PIK3R2: variants seen among roughly 807,000 people sequenced by gnomAD.
PIK3R2 encodes the protein phosphatidylinositol 3-kinase regulatory subunit beta.
In PIK3R2, 40 loss-of-function variants were observed where a neutral mutation model predicts 78.5. The observed-to-expected ratio is 0.51, with a 90% CI of 0.40 to 0.66. The LOEUF (loss-of-function observed/expected upper bound fraction) is 0.66. Among genes scored for constraint, PIK3R2 ranks in the 30% least tolerant of loss-of-function variants. PIK3R2 has a pLI of 0.00. For synonymous variants in PIK3R2, 473 were observed against 457.7 expected (o/e 1.03, Z -0.43); for missense variants, 880 against 1,026.6 (o/e 0.86, Z 1.95).
rs867911934 is a variant in PIK3R2 at position 18,156,599 on chromosome 19, A to T, written c.322+398A>T. On this transcript the variant is annotated intron_variant, in intron 2 of 15. Transcript: ENST00000222254. This position sits in a 1 kb window ranked among gnomAD's most constrained non-coding sequence, Gnocchi z 4.2. Reference sequence around the variant, plus strand: ...GCGCTGGCATGGAGGACTTAGTGGGATTGATTTTGAGGACAATGGAGAGTG... The same window carrying T: ...GCGCTGGCATGGAGGACTTAGTGGGTTTGATTTTGAGGACAATGGAGAGTG... Among the ~76,000 whole-genome samples the T allele has an allele frequency of 2.0e-5, 3 of 152,044 alleles. No individual in the cohort carries two copies. The highest frequency in any genetic ancestry group is 7.2e-5 in the African/African-American group (3 of 41,402).
In PIK3R2 at chr19:18,169,269, C is replaced by T; in HGVS notation, c.2162C>T (p.Pro721Leu). The T allele has an allele frequency of 1.3e-6, 2 of 1,521,270 alleles. No individual in the cohort carries two copies. The highest frequency in any genetic ancestry group is 2.4e-5 in the South Asian group (2 of 83,170). The allele number at this position is 1,521,270 out of a possible 1,614,324, so 94.2% of individuals were successfully genotyped here. A position where few individuals can be genotyped will look rare whatever the true frequency, so the allele number is the denominator to read the frequency against. The change falls in exon 16 of 16, where the codon CCC becomes CTC. Residue 721 changes from proline to leucine, a missense_variant. Physicochemically the swap from Pro to Leu is moderately conservative, Grantham distance 98. Transcript: ENST00000222254. The stretch of plus-strand genomic sequence containing the variant: ...GCGCACCCAGTGCGCGCCCCGGGCC[C>T]CGGCCCGCCGCCTGCCGCCCGCTGA... The part of the protein sequence containing the change: ...TLAHPVRAPG[P>L]GPPPAAR
rs560549534 is a variant in PIK3R2 at position 18,155,654 on chromosome 19, C to T, written c.-226C>T. 47 of 543,498 alleles carry T rather than the reference C, an allele frequency of 8.6e-5. 1 individual carries two copies. In the South Asian group the frequency reaches 1.0e-3, roughly 12 times the overall value. 33.7% of individuals were successfully genotyped at this position (543,498 alleles called of 1,614,324 possible). A position where few individuals can be genotyped will look rare whatever the true frequency, so the allele number is the denominator to read the frequency against. ...CACCACACCACCAACTCCCTCCCAC[C>T]AGCTGACGAATGGTGGACCCAGTGA... is the stretch of plus-strand genomic sequence containing the variant. On this transcript the variant is annotated 5_prime_UTR_variant, in exon 2 of 16. Coordinates refer to ENST00000222254, the MANE Select transcript of PIK3R2 (RefSeq NM_005027.4).
Position 18,160,925 on chromosome 19 carries a change from A to G in PIK3R2, c.422A>G (p.Asp141Gly). The G allele has an allele frequency of 2.5e-6, 4 of 1,609,712 alleles. No individual in the cohort carries two copies. Among genetic ancestry groups the G allele is most frequent in the Non-Finnish European group, 2.5e-6 (3 of 1,178,576 alleles). Reference protein sequence around the residue: ...LVEAIERTGLDSESHYRPELP... With the variant: ...LVEAIERTGLGSESHYRPELP... ...CTGTCCCCTTCACCCCCAGGGCTGG[A>G]CAGCGAATCTCACTACCGCCCGGAG... is the stretch of plus-strand genomic sequence containing the variant. Residue 141 changes from aspartate (D) to glycine (G), a missense_variant, in exon 4 of 16, where the codon GAC becomes GGC. Coordinates refer to ENST00000222254, the MANE Select transcript of PIK3R2 (RefSeq NM_005027.4).
At position 18,170,330 on chromosome 19, in the gene PIK3R2, T is replaced by G. The variant is rs1341176881; in HGVS notation, c.*1036T>G. The G allele has an allele frequency of 6.6e-6, 1 of 152,172 alleles. No individual in the cohort carries two copies. The highest frequency in any genetic ancestry group is 1.5e-5 in the Non-Finnish European group (1 of 68,034). 9.4% of individuals were successfully genotyped at this position (152,172 alleles called of 1,614,324 possible). On this transcript the variant is annotated 3_prime_UTR_variant, in exon 16 of 16. Coordinates refer to ENST00000222254, the MANE Select transcript of PIK3R2 (RefSeq NM_005027.4). ...CACTGCCCACGGCCCCTCCCTCTGA[T>G]GCAGATTCAGGGCTTCTCTTCGATC...
At chr19:18,162,932 T>A (rs768276086) in intron 9 of PIK3R2, 35 bp from the exon 10 acceptor site, 1 of 1,596,056 alleles carries the variant, frequency 6.3e-7, no homozygotes, top group Middle Eastern at 1.8e-4. Flanking sequence ...AGGTGCGGGG[T>A]CCCACTGGGT....
chr19:18,164,810 A>G (rs2043790440), intron 11 of PIK3R2, among the ~76,000 whole-genome samples: 1 of 145,544 alleles, frequency 6.9e-6, no homozygotes, highest in African/African-American at 2.5e-5. Flanking sequence ...TAATTTTTGT[A>G]TTTTTAGTAG....
At chr19:18,166,469 A>AG (rs1170515184) in intron 12 of PIK3R2, among the ~76,000 whole-genome samples, 167 bp downstream of exon 12, 2 of 152,048 alleles carry the variant, frequency 1.3e-5, no homozygotes, top group Non-Finnish European at 2.9e-5. Context: ...CCAGCACTTT[A>AG]GGAGGCCGAG....
intron 2 of PIK3R2, among the ~76,000 whole-genome samples, chr19:18,158,416 G>A (rs4808754): frequency 0.91 from 137,510 of 151,470 alleles, 62,543 homozygotes; most frequent in Non-Finnish European, 0.95. Flanking sequence ...GCTTGAACCC[G>A]GGAGATGGAG....
intron 2 of PIK3R2, among the ~76,000 whole-genome samples, chr19:18,157,437 G>A (rs555925516): frequency 9.9e-5 from 15 of 152,136 alleles, no homozygotes; most frequent in East Asian, 3.9e-4. Context: ...GCCAGAACCC[G>A]CCCCCTCGAG....
Position 18,163,301 on chromosome 19 carries a change from C to A in PIK3R2, c.1329C>A (p.Gly443=), listed in dbSNP as rs199931960. ...IVKEDSVEAV[G]AQLKVYHQQY... ...AGGAGGACAGCGTGGAGGCAGTGGG[C>A]GCCCAGCTTAAGGTCTATCACCAGC... is the stretch of plus-strand genomic sequence containing the variant. The change falls in exon 11 of 16, where the codon GGC becomes GGA. Residue 443 remains glycine, a synonymous_variant. Transcript: ENST00000222254. The A allele has an allele frequency of 8.4e-5, 136 of 1,614,020 alleles. 1 individual carries two copies. In the Middle Eastern group the frequency reaches 1.2e-3, roughly 14 times the overall value.
At chr19:18,162,089 G>A (rs746057482) in intron 7 of PIK3R2, 38 bp downstream of exon 7, 1 of 1,593,270 alleles carries the variant, frequency 6.3e-7, no homozygotes, top group South Asian at 1.1e-5. Context: ...TTCCCGTTGG[G>A]GGCCGTAAAT....
At position 18,159,144 on chromosome 19, in the gene PIK3R2, C is replaced by CTTTTTTTTTTTTTTTTTT. The variant is rs57543686; in HGVS notation, c.323-1325_323-1308dup. ...GGAGTGAGCCACTGCGCCTGGCCTC[C>CTTTTTTTTTTTTTTTTTT]TTTTTTTTTTTTTTTTTTTAAATTA... On this transcript the variant is annotated intron_variant, in intron 2 of 15. Transcript: ENST00000222254. 1.7e-3 allele frequency among the ~76,000 whole-genome samples: 83 copies of CTTTTTTTTTTTTTTTTTT among 50,040 alleles called. 13 individuals are homozygous for CTTTTTTTTTTTTTTTTTT. The highest frequency in any genetic ancestry group is 0.019 in the Middle Eastern group (1 of 52). 32.8% of individuals were successfully genotyped at this position (50,040 alleles called of 152,430 possible).
intron 1 of PIK3R2, among the ~76,000 whole-genome samples, chr19:18,154,857 G>C (rs1345182227): frequency 6.6e-6 from 1 of 151,314 alleles, no homozygotes; most frequent in African/African-American, 2.4e-5. Flanking sequence ...CAGGAGGACT[G>C]CTTCAGCCCA....
At chr19:18,162,783 G>A (rs1420026913) in intron 9 of PIK3R2, 184 bp from the exon 10 acceptor site, 12 of 619,214 alleles carry the variant, frequency 1.9e-5, no homozygotes, top group East Asian at 1.1e-4. Context: ...CCAACTACTC[G>A]GGAGGCTGAG....
chr19:18,157,252 C>G (rs745714441), intron 2 of PIK3R2, among the ~76,000 whole-genome samples: 1 of 152,194 alleles, frequency 6.6e-6, no homozygotes, highest in South Asian at 2.1e-4. Context: ...CGTCCTGCCT[C>G]GGCCTGAAGG....
chr19:18,158,688 CAG>C (rs2043706806), intron 2 of PIK3R2, among the ~76,000 whole-genome samples: 1 of 152,122 alleles, frequency 6.6e-6, no homozygotes, highest in Non-Finnish European at 1.5e-5. Context: ...AACTGAGGCC[CAG>C]AGAGGGCAGG....
In PIK3R2 at chr19:18,161,236, G is replaced by A. The variant is rs1279054382; in HGVS notation, c.599-43G>A. 14 of 1,510,158 alleles carry A rather than the reference G, an allele frequency of 9.3e-6. No individual in the cohort carries two copies. Among genetic ancestry groups the A allele is most frequent in the South Asian group, 1.3e-5 (1 of 79,008 alleles). The allele number at this position is 1,510,158 out of a possible 1,614,324, so 93.5% of individuals were successfully genotyped here. On this transcript the variant is annotated intron_variant, in intron 5 of 15. Transcript: ENST00000222254. This position sits in a 1 kb window ranked among gnomAD's most constrained non-coding sequence, Gnocchi z 5.3. ...AAGGAGGGGGCTGTAGCGGGTGGGAGGGCCCAGGCCTGGCTCACCCTGCCC... is the reference window on the plus strand; with the variant it reads ...AAGGAGGGGGCTGTAGCGGGTGGGAAGGCCCAGGCCTGGCTCACCCTGCCC...
chr19:18,167,437 G>A lies in PIK3R2; in HGVS notation c.1736+131G>A. On this transcript the variant is annotated intron_variant, in intron 13 of 15. Coordinates refer to ENST00000222254, the MANE Select transcript of PIK3R2 (RefSeq NM_005027.4). The surrounding 1 kb of genome is among the most constrained non-coding windows in gnomAD (Gnocchi z 4.5). ...CTGGGCCCCGAGACCCCTTAAACTC[G>A]GTTCCTCCCGGGCCCCTTGAAAGTT... The A allele has an allele frequency of 4.3e-6, 3 of 698,594 alleles. No homozygotes were observed. The South Asian group carries it at 7.8e-5, about 18-fold the overall frequency. 43.3% of individuals were successfully genotyped at this position (698,594 alleles called of 1,614,324 possible). A position where few individuals can be genotyped will look rare whatever the true frequency, so the allele number is the denominator to read the frequency against.
chr19:18,156,126 CT>C lies in PIK3R2; in HGVS notation c.248del (p.Leu83ArgfsTer47), dbSNP rs962961927. 2 of 1,521,178 alleles carry C rather than the reference CT, an allele frequency of 1.3e-6. No homozygotes were observed. Among genetic ancestry groups the C allele is most frequent in the Non-Finnish European group, 1.8e-6 (2 of 1,135,902 alleles). The allele number at this position is 1,521,178 out of a possible 1,614,324, so 94.2% of individuals were successfully genotyped here. A position where few individuals can be genotyped will look rare whatever the true frequency, so the allele number is the denominator to read the frequency against. ...TGTGGAGTTCCTGGGGCCCGTGGCC[CT>C]GGCCCGGCCCGGCCCTCGCCCACGG... is the stretch of plus-strand genomic sequence containing the variant. ...TYVEFLGPVA[L>X]ARPGPRPRGP... On this transcript the variant is annotated frameshift_variant, in exon 2 of 16. Transcript: ENST00000222254. LOFTEE classifies it high-confidence loss of function. This position sits in a 1 kb window ranked among gnomAD's most constrained non-coding sequence, Gnocchi z 4.2.
Sources: allele counts gnomAD v4.1 joint callset (sites outside exome capture counted in the v4.1 genomes callset), GRCh38; gene constraint gnomAD v4.1.1; non-coding constraint Gnocchi (gnomAD v3.1); transcripts MANE v1.5; gene names NCBI Gene and HGNC (gene_info 2026-07-23, HGNC 2026-07-21).